RUNX1T1: variants seen among roughly 807,000 people sequenced by gnomAD.
The protein encoded by RUNX1T1 is protein CBFA2T1.
RUNX1T1 carries 4 observed loss-of-function variants against 62.8 expected under a neutral mutation model. The ratio of observed to expected loss-of-function variants is 0.06; its 90% CI spans 0.03 to 0.15. The LOEUF (loss-of-function observed/expected upper bound fraction) is 0.15. RUNX1T1 is among the 10% of genes least tolerant of loss of function. RUNX1T1 has a pLI of 1.00. For synonymous variants in RUNX1T1, 291 were observed against 286.0 expected (o/e 1.02, Z -0.18); for missense variants, 508 against 754.3 (o/e 0.67, Z 3.82).
At chr8:91,958,718 A>G (rs759431807), downstream of RUNX1T1, 208 of 155,938 alleles carry the variant, frequency 1.3e-3, 3 homozygotes, top group Non-Finnish European at 1.7e-3. Context: ...ATATTTAAAA[A>G]GAATTTGCTC....
intron 1 of RUNX1T1, among the ~76,000 whole-genome samples, chr8:92,037,723 C>G (rs1827686325): frequency 6.6e-6 from 1 of 151,960 alleles, no homozygotes; most frequent in African/African-American, 2.4e-5. Context: ...GCTTTAAAAG[C>G]AGAGGAGTAT....
At chr8:91,992,004 C>A in intron 5 of RUNX1T1, 115 bp from the exon 7 acceptor site, 1 of 1,115,198 alleles carries the variant, frequency 9.0e-7, no homozygotes, top group East Asian at 2.5e-5. Context: ...GGCCAGAAAC[C>A]TTCTAAACTC....
At chr8:91,959,411 CTTGTGTGTGTGTGTGTGTGTGTGTGT>C in exon 11 of RUNX1T1, 1 of 161,856 alleles carries the variant, frequency 6.2e-6, no homozygotes, top group East Asian at 7.4e-5. Context: ...GAGTCTCTTA[CTTGTGTGTGTGTGTGTGTGTGTGTGT>C]GTGTGTGTGT....
intron 1 of RUNX1T1, among the ~76,000 whole-genome samples, chr8:92,059,926 G>C (rs1286057581): frequency 1.3e-5 from 2 of 152,114 alleles, no homozygotes; most frequent in Non-Finnish European, 2.9e-5. Context: ...TCTTCTAAAA[G>C]AAAAAGCACT....
intron 3 of RUNX1T1, among the ~76,000 whole-genome samples, chr8:92,012,468 C>T (rs964369470): frequency 4.0e-5 from 6 of 151,864 alleles, no homozygotes; most frequent in Non-Finnish European, 7.4e-5. Context: ...GTCAAGGCTG[C>T]GGTGAGCCTT....
chr8:92,009,836 A>T (rs1336047276), intron 4 of RUNX1T1: 1 of 152,134 alleles, frequency 6.6e-6, no homozygotes, highest in Non-Finnish European at 1.5e-5. Context: ...TTAAATGTAC[A>T]ACTTAGAAAA....
intron 1 of RUNX1T1, among the ~76,000 whole-genome samples, chr8:92,097,416 C>T (rs766700886): frequency 1.2e-4 from 19 of 152,126 alleles, no homozygotes; most frequent in Non-Finnish European, 2.5e-4. Flanking sequence ...TTTTCTCTAG[C>T]TATTCTAGAA....
At chr8:91,968,039 C>T (rs529511949) in intron 10 of RUNX1T1, among the ~76,000 whole-genome samples, 1 of 152,104 alleles carries the variant, frequency 6.6e-6, no homozygotes, top group African/African-American at 2.4e-5. Flanking sequence ...TGAATATCGT[C>T]CCATTCCTTA....
At chr8:92,033,289 A>G (rs1448312466) in intron 1 of RUNX1T1, among the ~76,000 whole-genome samples, 3 of 152,248 alleles carry the variant, frequency 2.0e-5, no homozygotes, top group African/African-American at 7.2e-5. Flanking sequence ...GATCTTTAAA[A>G]TATACTACTA....
intron 1 of RUNX1T1, among the ~76,000 whole-genome samples, chr8:92,088,654 C>A (rs755335952): frequency 1.3e-4 from 20 of 152,208 alleles, no homozygotes; most frequent in Admixed American, 4.6e-4. Context: ...GGTGGATTCT[C>A]CAAAAAGTCT....
At chr8:92,050,488 T>C (rs1830064104) in intron 1 of RUNX1T1, among the ~76,000 whole-genome samples, 1 of 152,122 alleles carries the variant, frequency 6.6e-6, no homozygotes. Context: ...CCTAACAAAT[T>C]ATCTCATTTA....
intron 1 of RUNX1T1, among the ~76,000 whole-genome samples, chr8:92,025,135 G>C (rs1331967659): frequency 6.6e-6 from 1 of 152,020 alleles, no homozygotes; most frequent in Non-Finnish European, 1.5e-5. Flanking sequence ...ACCATCTCTT[G>C]CCTGACCTAT....
chr8:92,017,600 T>C, intron 1 of RUNX1T1: 1 of 1,384,458 alleles, frequency 7.2e-7, no homozygotes, highest in Non-Finnish European at 9.3e-7. Context: ...CCTATTGTTA[T>C]TTCTGGCTTA....
At chr8:92,103,266 G>C, upstream of RUNX1T1, 3 of 236,958 alleles carry the variant, frequency 1.3e-5, no homozygotes, top group African/African-American at 4.4e-5. Flanking sequence ...GGCGGCGTCT[G>C]CGTCTCCCTC....
At chr8:92,066,547 T>C (rs1315880219), upstream of RUNX1T1, among the ~76,000 whole-genome samples, 2 of 152,204 alleles carry the variant, frequency 1.3e-5, no homozygotes, top group Non-Finnish European at 2.9e-5. Context: ...GTGTGAGTTG[T>C]TGGGCTAAGG....
At chr8:92,034,300 A>G (rs1026855929) in intron 1 of RUNX1T1, among the ~76,000 whole-genome samples, 3 of 152,184 alleles carry the variant, frequency 2.0e-5, no homozygotes, top group Admixed American at 1.3e-4. Flanking sequence ...GGAAAAATCC[A>G]AAAGTACACT....
chr8:92,024,497 CAAAAAAAAAAAAAAA>C (rs34547904), intron 1 of RUNX1T1, among the ~76,000 whole-genome samples: 5 of 17,534 alleles, frequency 2.9e-4, no homozygotes, highest in Non-Finnish European at 5.7e-4. Context: ...AACCCCAACT[CAAAAAAAAAAAAAAA>C]AAAAAAAAAA....
chr8:91,976,151 T>C, intron 8 of RUNX1T1, 178 bp from the exon 10 acceptor site: 2 of 553,162 alleles, frequency 3.6e-6, no homozygotes, highest in Non-Finnish European at 6.6e-6. Flanking sequence ...AGGCCTGTCA[T>C]CAGAGCCCAA....
At chr8:91,994,762 A>T (rs1056857567) in intron 5 of RUNX1T1, 3 of 327,496 alleles carry the variant, frequency 9.2e-6, no homozygotes, top group Non-Finnish European at 1.8e-5. Context: ...CCCACTTCTT[A>T]TTATTTGTTT....
Sources: allele counts gnomAD v4.1 joint callset (sites outside exome capture counted in the v4.1 genomes callset), GRCh38; gene constraint gnomAD v4.1.1; transcripts MANE v1.5; gene names NCBI Gene and HGNC (gene_info 2026-07-23, HGNC 2026-07-21).